Variants in SORCS1 observed in about 807,000 individuals in gnomAD.
SORCS1 encodes the protein VPS10 domain-containing receptor SorCS1.
SORCS1 carries 60 observed loss-of-function variants against 146.1 expected under a neutral mutation model. The observed-to-expected ratio is 0.41, with a 90% CI of 0.33 to 0.51. The LOEUF (loss-of-function observed/expected upper bound fraction) is 0.51. SORCS1 is among the 20% of genes least tolerant of loss of function. The pLI, the probability that SORCS1 is intolerant of heterozygous loss-of-function variation, is 0.21. For missense variants in SORCS1, 1,352 were observed against 1,487.6 expected, an observed-to-expected ratio of 0.91 and a Z score of 1.50; for synonymous variants, 637 against 584.0, an observed-to-expected ratio of 1.09 and a Z score of -1.31.
chr10:106,680,512 T>C (rs1852357188), intron 10 of SORCS1, among the ~76,000 whole-genome samples: 1 of 152,170 alleles, frequency 6.6e-6, no homozygotes, highest in Non-Finnish European at 1.5e-5. Flanking sequence ...ATATTCAATA[T>C]AAAAGTCACA....
At chr10:106,629,028 T>G (rs1396940805) in intron 19 of SORCS1, among the ~76,000 whole-genome samples, 174 bp downstream of exon 19, 1 of 152,216 alleles carries the variant, frequency 6.6e-6, no homozygotes, top group East Asian at 1.9e-4. Flanking sequence ...CAAATTCTAC[T>G]CTTTGATTTT....
intron 2 of SORCS1, among the ~76,000 whole-genome samples, chr10:106,896,760 T>C (rs1198961048): frequency 4.0e-5 from 6 of 151,742 alleles, no homozygotes; most frequent in Non-Finnish European, 5.9e-5. Flanking sequence ...ATATTACAAA[T>C]ATTAACACTT....
Position 106,840,896 on chromosome 10 carries a change from G to A in SORCS1, c.627-11223C>T, listed in dbSNP as rs184153069. The stretch of plus-strand genomic sequence containing the variant: ...TTTTTGGATGGAGTCTTGCTCTGTC[G>A]CCAGGCTGGAGTGCAATGGCATGAT... On this transcript the variant is annotated intron_variant, in intron 2 of 25. Coordinates refer to ENST00000263054, the MANE Select transcript of SORCS1 (RefSeq NM_052918.5). 5.1e-3 allele frequency among the ~76,000 whole-genome samples: 729 copies of A among 142,420 alleles called. 44 individuals carry two copies. The East Asian group carries it at 0.12, about 24-fold the overall frequency. The allele number at this position is 142,420 out of a possible 152,430, so 93.4% of individuals were successfully genotyped here. A position where few individuals can be genotyped will look rare whatever the true frequency, so the allele number is the denominator to read the frequency against.
At chr10:106,756,113 A>G (rs1858617440) in intron 5 of SORCS1, among the ~76,000 whole-genome samples, 2 of 151,122 alleles carry the variant, frequency 1.3e-5, no homozygotes, top group Admixed American at 6.6e-5. Flanking sequence ...TGGGTGACAG[A>G]GCAAGACAAT....
At chr10:107,085,375 C>T (rs529047274) in intron 1 of SORCS1, among the ~76,000 whole-genome samples, 109 of 152,172 alleles carry the variant, frequency 7.2e-4, no homozygotes, top group Non-Finnish European at 8.2e-4. Context: ...ATTGGGGTGA[C>T]TCATCATTAA....
intron 2 of SORCS1, among the ~76,000 whole-genome samples, chr10:106,835,491 T>C (rs553373931): frequency 1.3e-5 from 2 of 152,298 alleles, no homozygotes; most frequent in African/African-American, 2.4e-5. Context: ...TTGAGTTAGG[T>C]TGCTTAGAAG....
intron 18 of SORCS1, among the ~76,000 whole-genome samples, chr10:106,645,386 T>C (rs1236530492): frequency 6.6e-6 from 1 of 152,130 alleles, no homozygotes; most frequent in Non-Finnish European, 1.5e-5. Context: ...AGAGATGGGG[T>C]TTCGCCATGT....
At chr10:106,996,661 C>T (rs2139562091) in intron 1 of SORCS1, among the ~76,000 whole-genome samples, 1 of 152,292 alleles carries the variant, frequency 6.6e-6, no homozygotes, top group South Asian at 2.1e-4. Flanking sequence ...CTACAATTTT[C>T]CCATTTGCAA....
intron 1 of SORCS1, among the ~76,000 whole-genome samples, chr10:106,985,106 G>T (rs1021914611): frequency 6.6e-6 from 1 of 152,184 alleles, no homozygotes; most frequent in Non-Finnish European, 1.5e-5. Flanking sequence ...AGAATCGCTT[G>T]AACCTGGGAG....
At chr10:106,654,849 A>G (rs1017887755) in intron 17 of SORCS1, among the ~76,000 whole-genome samples, 2 of 150,966 alleles carry the variant, frequency 1.3e-5, no homozygotes, top group South Asian at 2.1e-4. Flanking sequence ...ACATCATTCC[A>G]TCTGATTTTT....
At chr10:106,994,532 C>T (rs528470965) in intron 1 of SORCS1, among the ~76,000 whole-genome samples, 3 of 152,122 alleles carry the variant, frequency 2.0e-5, no homozygotes, top group Admixed American at 2.0e-4. Context: ...ACTCTGAAAC[C>T]ATTTTGTTCT....
In SORCS1 at chr10:107,085,940, A is replaced by G. The variant is rs113226769; in HGVS notation, c.558+78029T>C. On this transcript the variant is annotated intron_variant, in intron 1 of 25. Coordinates refer to ENST00000263054, the MANE Select transcript of SORCS1 (RefSeq NM_052918.5). ...AAACCAAGGCCTTTTCCCCACTACC[A>G]AACAAATTTCCAAGCCGTATTGTTG... Among the ~76,000 whole-genome samples, 294 of 152,340 alleles carry G rather than the reference A, an allele frequency of 1.9e-3. 1 individual carries two copies. Among genetic ancestry groups the G allele is most frequent in the African/African-American group, 6.0e-3 (250 of 41,588 alleles).
At chr10:106,717,457 T>C (rs1441695202) in intron 6 of SORCS1, among the ~76,000 whole-genome samples, 4 of 152,244 alleles carry the variant, frequency 2.6e-5, no homozygotes, top group Non-Finnish European at 4.4e-5. Context: ...GTGAAAATTA[T>C]AGACTTACAT....
intron 1 of SORCS1, among the ~76,000 whole-genome samples, chr10:106,968,044 G>GAA (rs34595773): frequency 0.041 from 5,299 of 127,848 alleles, 348 homozygotes; most frequent in African/African-American, 0.14. Context: ...CTCTACTAAA[G>GAA]AAAAAAAAAA....
At chr10:106,649,214 A>G (rs1849679759) in intron 18 of SORCS1, among the ~76,000 whole-genome samples, 1 of 152,194 alleles carries the variant, frequency 6.6e-6, no homozygotes, top group Non-Finnish European at 1.5e-5. Context: ...GAGCTGGTTA[A>G]GACAAGCTGT....
chr10:107,129,116 G>C (rs1252320380), intron 1 of SORCS1, among the ~76,000 whole-genome samples: 2 of 152,184 alleles, frequency 1.3e-5, no homozygotes, highest in Non-Finnish European at 2.9e-5. Context: ...GCTGGAGCAG[G>C]CTTCTTCAGC....
chr10:106,801,163 A>C (rs1946849345), intron 3 of SORCS1, among the ~76,000 whole-genome samples: 1 of 152,156 alleles, frequency 6.6e-6, no homozygotes. Flanking sequence ...TAGCTCATTA[A>C]ATATTTATAT....
chr10:106,933,463 T>G (rs1378413675), intron 2 of SORCS1, among the ~76,000 whole-genome samples: 1 of 152,210 alleles, frequency 6.6e-6, no homozygotes, highest in Non-Finnish European at 1.5e-5. Context: ...GAATGGTAGC[T>G]AAAATATAAT....
intron 10 of SORCS1, among the ~76,000 whole-genome samples, chr10:106,684,337 C>CA (rs1255694144): frequency 3.3e-5 from 5 of 152,068 alleles, no homozygotes; most frequent in Non-Finnish European, 5.9e-5. Context: ...GACTCAGTCT[C>CA]AAAAAAACAG....
Sources: gnomAD v4.1 joint callset for allele counts (sites outside exome capture counted in the v4.1 genomes callset) on GRCh38, gnomAD v4.1.1 for gene constraint, MANE v1.5 for transcripts, NCBI Gene and HGNC (gene_info 2026-07-23, HGNC 2026-07-21) for gene names.